The following UGT8 variants were observed in gnomAD, a reference collection of about 807,000 sequenced individuals.
UGT8 encodes the protein 2-hydroxyacylsphingosine 1-beta-galactosyltransferase.
UGT8 carries 12 observed loss-of-function variants against 40.5 expected under a neutral mutation model. The ratio of observed to expected loss-of-function variants is 0.30; its 90% confidence interval spans 0.19 to 0.48. The LOEUF is 0.48. Among genes scored for constraint, UGT8 ranks in the 20% least tolerant of loss-of-function variants. The pLI, the probability that UGT8 is intolerant of heterozygous loss-of-function variation, is 0.99. For missense variants in UGT8, 513 were observed against 648.7 expected (o/e 0.79, Z 2.27); for synonymous variants, 224 against 240.4 (o/e 0.93, Z 0.63).
At chr4:114,632,994 A>G (rs1732668103) in intron 2 of UGT8, among the ~76,000 whole-genome samples, 1 of 152,210 alleles carries the variant, frequency 6.6e-6, no homozygotes, top group Non-Finnish European at 1.5e-5. Context: ...CTTGACTACC[A>G]TTTTCAGGCC....
At chr4:114,617,088 T>TA (rs1233395261) in intron 1 of UGT8, among the ~76,000 whole-genome samples, 2 of 151,698 alleles carry the variant, frequency 1.3e-5, no homozygotes, top group East Asian at 1.9e-4. Flanking sequence ...CTGTCTCTAC[T>TA]AAAAAAAATA....
chr4:114,613,139 C>T (rs1287817514), intron 1 of UGT8, among the ~76,000 whole-genome samples: 1 of 152,108 alleles, frequency 6.6e-6, no homozygotes, highest in African/African-American at 2.4e-5. Flanking sequence ...TCCATAGATG[C>T]ATGCTGCAAT....
rs375098470 is a variant in UGT8, at chr4:114,667,157, A to G, written c.1043-928A>G. 9.2e-5 allele frequency among the ~76,000 whole-genome samples: 14 copies of G among 152,270 alleles called. No individual in the cohort carries two copies. In the East Asian group the frequency reaches 2.7e-3, roughly 29 times the overall value. On this transcript the variant is annotated intron_variant, in intron 4 of 5. Coordinates refer to ENST00000310836, the MANE Select transcript of UGT8 (RefSeq NM_001128174.3). ...TAAGGGCTAGAGACACTGACTAACC[A>G]ATTCCACCAGTCTTCAGAATGGAAG... is the stretch of plus-strand genomic sequence containing the variant.
intron 3 of UGT8, 39 bp downstream of exon 3, chr4:114,664,176 A>G: frequency 1.2e-6 from 2 of 1,606,166 alleles, no homozygotes; most frequent in South Asian, 2.2e-5. Context: ...GCTATTGACA[A>G]TCAATATCTC....
rs370864620 is a variant in UGT8, at chr4:114,599,220, C to T, written c.-3+246C>T. ...TGTGAAGGAGATCTTTTTAGGCTGG[C>T]CCCTCATAGCGCCCGCGATCCTGTT... On this transcript the variant is annotated intron_variant, in intron 1 of 5. Transcript: ENST00000310836. 4.7e-4 allele frequency among the ~76,000 whole-genome samples: 72 copies of T among 152,220 alleles called. 1 individual carries two copies. The highest frequency in any genetic ancestry group is 1.4e-3 in the African/African-American group (57 of 41,558).
chr4:114,669,930 T>A (rs938026194), intron 5 of UGT8, among the ~76,000 whole-genome samples: 1 of 152,230 alleles, frequency 6.6e-6, no homozygotes, highest in Non-Finnish European at 1.5e-5. Context: ...CACTTATCTT[T>A]GTTTCCAATG....
intron 1 of UGT8, among the ~76,000 whole-genome samples, chr4:114,616,900 C>T (rs956965275): frequency 2.0e-5 from 3 of 152,036 alleles, no homozygotes; most frequent in African/African-American, 7.2e-5. Context: ...CCATTGATAC[C>T]TAGGCACAGA....
At chr4:114,625,509 T>TAA (rs767102968) in intron 2 of UGT8, among the ~76,000 whole-genome samples, 30,472 of 75,240 alleles carry the variant, frequency 0.4, 7,773 homozygotes, top group Non-Finnish European at 0.53. Flanking sequence ...AGACCCTGTC[T>TAA]AAAAAAAAAA....
intron 1 of UGT8, among the ~76,000 whole-genome samples, chr4:114,601,617 A>G (rs1468195773): frequency 6.6e-6 from 1 of 152,084 alleles, no homozygotes; most frequent in Non-Finnish European, 1.5e-5. Flanking sequence ...ATAACCCACA[A>G]GCAATTTCTA....
In UGT8 at chr4:114,623,094, C is replaced by T. The variant is rs780372131; in HGVS notation, c.214C>T (p.Arg72Cys). The T allele has an allele frequency of 1.1e-5, 18 of 1,614,126 alleles. No individual in the cohort carries two copies. The Middle Eastern group carries it at 9.9e-4, about 89-fold the overall frequency. The change falls in exon 2 of 6, where the codon CGC becomes TGC. Residue 72 changes from arginine (R) to cysteine (C), a missense_variant. Around this residue, in one of 3 missense-constraint regions of UGT8, gnomAD observed 335 missense variants for 444.8 expected, o/e 0.75. Transcript: ENST00000310836. The part of the protein sequence containing the change: ...IAPSNHYSLQ[R>C]YPGIFNSTTS... Reference sequence around the variant, plus strand: ...CCCATCTAATCATTACAGCCTCCAGCGCTACCCAGGGATCTTTAACAGTAC... The same window carrying T: ...CCCATCTAATCATTACAGCCTCCAGTGCTACCCAGGGATCTTTAACAGTAC...
chr4:114,651,409 C>G (rs1733888902), intron 2 of UGT8, among the ~76,000 whole-genome samples: 1 of 151,970 alleles, frequency 6.6e-6, no homozygotes. Context: ...ACATGTTTCT[C>G]TTTTATAAAT....
At chr4:114,649,963 A>T (rs374268020) in intron 2 of UGT8, among the ~76,000 whole-genome samples, 5 of 152,346 alleles carry the variant, frequency 3.3e-5, no homozygotes, top group African/African-American at 1.2e-4. Flanking sequence ...CTGATATAAA[A>T]TTATATGTGA....
At chr4:114,620,808 T>C (rs1381611627) in intron 1 of UGT8, among the ~76,000 whole-genome samples, 1 of 152,168 alleles carries the variant, frequency 6.6e-6, no homozygotes, top group Non-Finnish European at 1.5e-5. Flanking sequence ...TTGCTTGTAG[T>C]GTTTGAATGT....
chr4:114,665,150 A>G (rs1437550013), intron 3 of UGT8, among the ~76,000 whole-genome samples: 1 of 152,178 alleles, frequency 6.6e-6, no homozygotes, highest in Non-Finnish European at 1.5e-5. Context: ...TCTTTTAAAG[A>G]TCAGGCAGGA....
intron 1 of UGT8, among the ~76,000 whole-genome samples, chr4:114,606,158 G>T (rs1730718490): frequency 6.6e-6 from 1 of 152,082 alleles, no homozygotes; most frequent in African/African-American, 2.4e-5. Context: ...TCATCTGTTG[G>T]AATTTTTTAA....
intron 2 of UGT8, among the ~76,000 whole-genome samples, chr4:114,626,059 A>G (rs1332080815): frequency 6.6e-6 from 1 of 152,202 alleles, no homozygotes; most frequent in Non-Finnish European, 1.5e-5. Flanking sequence ...TTGGAAGTCT[A>G]TTAGATTATC....
In UGT8 at chr4:114,676,059, A is replaced by G; in HGVS notation, c.1397A>G (p.Gln466Arg). 1.2e-6 allele frequency: 2 copies of G among 1,614,202 alleles called. No homozygotes were observed. Among genetic ancestry groups the G allele is most frequent in the Non-Finnish European group, 1.7e-6 (2 of 1,180,040 alleles). The change falls in exon 6 of 6, where the codon CAG (glutamine) becomes CGG (arginine). Residue 466 changes from glutamine (Q) to arginine (R), a missense_variant. By Grantham distance (43) the Gln-to-Arg change is conservative. Transcript: ENST00000310836. ...CATCACCTACGTGCCGCTGTCCATCAGATCTCCTTTTGTCAGTATTTTTTA... is the reference window on the plus strand; with the variant it reads ...CATCACCTACGTGCCGCTGTCCATCGGATCTCCTTTTGTCAGTATTTTTTA... ...GAHHLRAAVH[Q>R]ISFCQYFLLD... is the part of the protein sequence containing the mutation.
intron 2 of UGT8, among the ~76,000 whole-genome samples, chr4:114,625,483 C>CCTAGGTGTCAGAGTGAGA (rs369992309): frequency 0.012 from 1,533 of 132,174 alleles, 23 homozygotes; most frequent in African/African-American, 0.031. Context: ...TACACTCCAG[C>CCTAGGTGTCAGAGTGAGA]CTAGGTGTCA....
At chr4:114,667,543 T>C (rs1463020867) in intron 4 of UGT8, among the ~76,000 whole-genome samples, 1 of 152,206 alleles carries the variant, frequency 6.6e-6, no homozygotes, top group Admixed American at 6.5e-5. Context: ...AAATGTAAAA[T>C]TAAACCTTAA....
Sources: gnomAD v4.1 joint callset for allele counts (sites outside exome capture counted in the v4.1 genomes callset) on GRCh38, gnomAD v4.1.1 for gene constraint, gnomAD v4.1.1 regional missense constraint, MANE v1.5 for transcripts, NCBI Gene and HGNC (gene_info 2026-07-23, HGNC 2026-07-21) for gene names.